The following ZBTB7C variants were observed in gnomAD, a reference collection of about 807,000 sequenced individuals.
ZBTB7C encodes the protein zinc finger and BTB domain-containing protein 7C.
ZBTB7C carries 8 observed loss-of-function variants against 25.7 expected under a neutral mutation model. The observed-to-expected ratio is 0.31, with a 90% CI of 0.18 to 0.56. The LOEUF (loss-of-function observed/expected upper bound fraction) is 0.56, where lower values mean the gene tolerates loss of function less well. Ranked by LOEUF, ZBTB7C falls within the 20% of genes least tolerant of loss-of-function variation. The pLI is 0.91. For missense variants in ZBTB7C, 824 were observed against 855.2 expected (o/e 0.96, Z 0.46); for synonymous variants, 394 against 369.0 (o/e 1.07, Z -0.78).
intron 1 of ZBTB7C, among the ~76,000 whole-genome samples, chr18:48,391,230 C>T (rs1050937133): frequency 3.3e-5 from 5 of 152,200 alleles, no homozygotes; most frequent in Non-Finnish European, 5.9e-5. Flanking sequence ...ATCCTCTCCA[C>T]GGGCCCCGGC....
At chr18:48,303,704 T>A (rs1053096106) in intron 2 of ZBTB7C, among the ~76,000 whole-genome samples, 1 of 152,194 alleles carries the variant, frequency 6.6e-6, no homozygotes, top group African/African-American at 2.4e-5. Flanking sequence ...ACAACTCAGA[T>A]GGCACTTGGT....
At chr18:48,255,752 A>C (rs2044003417) in intron 2 of ZBTB7C, among the ~76,000 whole-genome samples, 1 of 152,206 alleles carries the variant, frequency 6.6e-6, no homozygotes. Flanking sequence ...TGTAGAATGA[A>C]GTGTTGCCCA....
At chr18:48,403,193 A>G (rs1568427460) in intron 1 of ZBTB7C, among the ~76,000 whole-genome samples, 1 of 152,212 alleles carries the variant, frequency 6.6e-6, no homozygotes, top group Non-Finnish European at 1.5e-5. Flanking sequence ...AAGTAAATAA[A>G]CAGAGACAGA....
intron 2 of ZBTB7C, among the ~76,000 whole-genome samples, chr18:48,262,205 C>T (rs953969486): frequency 2.6e-5 from 4 of 152,202 alleles, no homozygotes; most frequent in African/African-American, 9.7e-5. Flanking sequence ...CAAGGCTGCA[C>T]AGTGAGAGGA....
intron 3 of ZBTB7C, among the ~76,000 whole-genome samples, chr18:48,136,600 C>T (rs2040173141): frequency 1.3e-5 from 2 of 152,310 alleles, no homozygotes; most frequent in African/African-American, 4.8e-5. Flanking sequence ...AAGGTACACC[C>T]GCAACTCCCT....
chr18:48,307,911 C>G (rs1029335736), intron 2 of ZBTB7C, among the ~76,000 whole-genome samples: 8 of 152,152 alleles, frequency 5.3e-5, no homozygotes, highest in African/African-American at 1.9e-4. Context: ...GAACAGGTAT[C>G]TCTTTATGCA....
chr18:48,177,488 T>C (rs1378797425), intron 3 of ZBTB7C, among the ~76,000 whole-genome samples: 1 of 152,186 alleles, frequency 6.6e-6, no homozygotes, highest in Admixed American at 6.5e-5. Context: ...GGGAAACATT[T>C]TGTGACAGTG....
intron 3 of ZBTB7C, among the ~76,000 whole-genome samples, chr18:48,111,177 C>A (rs1448557845): frequency 6.6e-6 from 1 of 152,070 alleles, no homozygotes; most frequent in African/African-American, 2.4e-5. Flanking sequence ...GTCACCTCCA[C>A]CTCCCCACCC....
intron 3 of ZBTB7C, among the ~76,000 whole-genome samples, chr18:48,135,163 C>A (rs1477605649): frequency 6.6e-6 from 1 of 152,118 alleles, no homozygotes; most frequent in Non-Finnish European, 1.5e-5. Context: ...TTGACAGAGG[C>A]CAGAGATCTC....
intron 3 of ZBTB7C, among the ~76,000 whole-genome samples, chr18:48,077,805 G>T (rs1310380741): frequency 6.6e-6 from 1 of 152,206 alleles, no homozygotes; most frequent in Non-Finnish European, 1.5e-5. Context: ...ACTCAGGCCT[G>T]CACAATACCC....
chr18:48,061,560 G>C (rs1447485986), intron 3 of ZBTB7C, among the ~76,000 whole-genome samples: 1 of 152,178 alleles, frequency 6.6e-6, no homozygotes, highest in African/African-American at 2.4e-5. Flanking sequence ...TGAGTTTCAC[G>C]CACATATATG....
At chr18:48,068,550 T>C (rs982259341) in intron 3 of ZBTB7C, among the ~76,000 whole-genome samples, 2 of 151,732 alleles carry the variant, frequency 1.3e-5, no homozygotes, top group African/African-American at 4.8e-5. Context: ...CCCAGACAAG[T>C]TGAATTAGAC....
intron 2 of ZBTB7C, among the ~76,000 whole-genome samples, chr18:48,298,279 CAAA>C (rs35832838): frequency 1.1e-4 from 13 of 121,038 alleles, no homozygotes; most frequent in Admixed American, 1.8e-4. Context: ...GACTCTGTCT[CAAA>C]AAAAAAAAAA....
chr18:48,072,115 T>C (rs1346720512), intron 3 of ZBTB7C, among the ~76,000 whole-genome samples: 1 of 152,190 alleles, frequency 6.6e-6, no homozygotes, highest in African/African-American at 2.4e-5. Context: ...CAAGTGAATG[T>C]ATGAATGAAG....
At chr18:48,402,536 C>G (rs183876658) in intron 1 of ZBTB7C, among the ~76,000 whole-genome samples, 1 of 152,130 alleles carries the variant, frequency 6.6e-6, no homozygotes, top group African/African-American at 2.4e-5. Flanking sequence ...GTTTTCCTTA[C>G]GCAAAGTACA....
intron 3 of ZBTB7C, among the ~76,000 whole-genome samples, chr18:48,101,467 T>C (rs929258170): frequency 6.6e-6 from 1 of 152,214 alleles, no homozygotes; most frequent in Non-Finnish European, 1.5e-5. Flanking sequence ...TAGTGAGACA[T>C]TTGATATTGC....
At chr18:48,044,280 G>C (rs958080398) in intron 3 of ZBTB7C, among the ~76,000 whole-genome samples, 2 of 152,236 alleles carry the variant, frequency 1.3e-5, no homozygotes, top group African/African-American at 4.8e-5. Context: ...CCCAGGCTGA[G>C]GCTTCAATGA....
chr18:48,049,175 T>C (rs2036587579), intron 3 of ZBTB7C, among the ~76,000 whole-genome samples: 1 of 152,208 alleles, frequency 6.6e-6, no homozygotes, highest in African/African-American at 2.4e-5. Flanking sequence ...TAGACCACAG[T>C]GCCCCCAACT....
At chr18:48,323,875 A>T (rs932251193) in intron 2 of ZBTB7C, among the ~76,000 whole-genome samples, 1 of 151,988 alleles carries the variant, frequency 6.6e-6, no homozygotes, top group Non-Finnish European at 1.5e-5. Flanking sequence ...ATGTGTGTAT[A>T]CTCCCAAAAC....
Sources: allele counts gnomAD v4.1 joint callset (sites outside exome capture counted in the v4.1 genomes callset), GRCh38; gene constraint gnomAD v4.1.1; transcripts MANE v1.5; gene names NCBI Gene and HGNC (gene_info 2026-07-23, HGNC 2026-07-21).